The following JADE3 variants were observed in gnomAD, a reference collection of about 807,000 sequenced individuals.
JADE3 encodes the protein jade family PHD finger 3.
Under a neutral mutation model 50.1 loss-of-function variants are expected in JADE3, and 2 were observed. That is an observed-to-expected ratio of 0.04 (90% CI 0.02 to 0.13). JADE3 has a LOEUF of 0.13. Among genes scored for constraint, JADE3 ranks in the 10% least tolerant of loss-of-function variants. JADE3 has a pLI of 1.00. For synonymous variants in JADE3, 218 were observed against 232.9 expected, an observed-to-expected ratio of 0.94 and a Z score of 0.58; for missense variants, 475 against 634.4, an observed-to-expected ratio of 0.75 and a Z score of 2.70.
intron 1 of JADE3, among the ~76,000 whole-genome samples, chrX:46,922,086 C>T (rs1926234652): frequency 9.2e-6 from 1 of 108,204 alleles, no homozygotes; most frequent in African/African-American, 3.4e-5. Context: ...CATCCCCCAA[C>T]AGACTCCAGT....
At chrX:46,948,436 G>A (rs1309363966) in intron 1 of JADE3, among the ~76,000 whole-genome samples, 3 of 112,076 alleles carry the variant, frequency 2.7e-5, no homozygotes, top group African/African-American at 9.7e-5. Flanking sequence ...AAGGATGCCT[G>A]TATTCTCCCT....
chrX:46,989,601 A>T (rs1280705813), intron 3 of JADE3, among the ~76,000 whole-genome samples: 1 of 111,776 alleles, frequency 8.9e-6, no homozygotes, highest in East Asian at 2.8e-4. Flanking sequence ...CTAGGTAGTC[A>T]TTTCTTTCCC....
chrX:46,918,380 G>A (rs1556337050), intron 1 of JADE3, among the ~76,000 whole-genome samples: 2 of 111,981 alleles, frequency 1.8e-5, no homozygotes, highest in Non-Finnish European at 3.8e-5. Flanking sequence ...TTGCATGTGT[G>A]TGCCATCTGT....
chrX:46,980,200 G>A (rs192401464), intron 1 of JADE3, among the ~76,000 whole-genome samples: 24 of 110,616 alleles, frequency 2.2e-4, no homozygotes, highest in Non-Finnish European at 3.8e-4. Context: ...TTTTTAATTA[G>A]GTCATTTGTT....
intron 5 of JADE3, among the ~76,000 whole-genome samples, chrX:47,027,084 T>C (rs868956239): frequency 2.7e-5 from 3 of 112,183 alleles, no homozygotes; most frequent in Non-Finnish European, 3.8e-5. Flanking sequence ...AGTGGAATAC[T>C]TGGGTACATT....
chrX:46,959,386 G>A (rs1453643296), intron 1 of JADE3, among the ~76,000 whole-genome samples: 2 of 112,252 alleles, frequency 1.8e-5, no homozygotes, highest in Non-Finnish European at 3.8e-5. Flanking sequence ...GAAGGGGAGT[G>A]AGCCCTGATT....
chrX:46,915,918 A>G (rs939749452), intron 1 of JADE3, among the ~76,000 whole-genome samples: 17 of 112,015 alleles, frequency 1.5e-4, no homozygotes, highest in East Asian at 8.4e-4. Flanking sequence ...GAGTTCATCA[A>G]TGCTTTTCAA....
chrX:46,994,583 A>G (rs895921048), intron 3 of JADE3, among the ~76,000 whole-genome samples: 2 of 111,925 alleles, frequency 1.8e-5, no homozygotes, highest in African/African-American at 6.5e-5. Flanking sequence ...TGAAGTTTCT[A>G]CATTACCTTG....
chrX:46,931,366 A>G (rs906572028), intron 1 of JADE3, among the ~76,000 whole-genome samples: 4 of 112,203 alleles, frequency 3.6e-5, no homozygotes, highest in Admixed American at 2.8e-4. Flanking sequence ...ACAATAGTAT[A>G]CATTTGTCAA....
intron 4 of JADE3, among the ~76,000 whole-genome samples, chrX:47,008,746 C>T (rs150166304): frequency 9.0e-6 from 1 of 110,921 alleles, no homozygotes; most frequent in Non-Finnish European, 1.9e-5. Context: ...TGACAGAAAG[C>T]AGATCATTGG....
chrX:46,932,591 G>A (rs782451190), intron 1 of JADE3, among the ~76,000 whole-genome samples: 2 of 111,559 alleles, frequency 1.8e-5, no homozygotes, highest in South Asian at 3.8e-4. Flanking sequence ...ATTATATTTC[G>A]ATACCCAAAC....
chrX:47,024,907 A>G lies in JADE3; in HGVS notation c.468A>G (p.Ala156=). Residue 156 remains alanine, a synonymous_variant, in exon 5 of 11, where the codon GCA becomes GCG. Transcript: ENST00000614628. ...TTCAGGAACTCAATGAAGACCTTGC[A>G]GAAATGGGTAAGTTCTTTTCTCACA... ...FWLQELNEDL[A]EMGCGPVDEN... 8.8e-7 allele frequency: 1 copy of G among 1,140,822 alleles called. No individual in the cohort carries two copies. The highest frequency in any genetic ancestry group is 1.2e-6 in the Non-Finnish European group (1 of 836,907). 94.0% of individuals were successfully genotyped at this position (1,140,822 alleles called of 1,213,427 possible).
chrX:46,921,372 C>G lies in JADE3; in HGVS notation c.-12+8653C>G, dbSNP rs145250181. Among the ~76,000 whole-genome samples the G allele has an allele frequency of 3.0e-3, 340 of 112,820 alleles. 3 individuals are homozygous for G. Among genetic ancestry groups the G allele is most frequent in the Middle Eastern group, 0.014 (3 of 219 alleles). ...GGAATTACAGGCGTCAGCCACTGCA[C>G]CTGGCCTGGCTTTTTTCTTCTTTTT... On this transcript the variant is annotated intron_variant, in intron 1 of 10. Coordinates refer to ENST00000614628, the MANE Select transcript of JADE3 (RefSeq NM_014735.5).
Position 47,058,228 on chromosome X carries a change from G to A in JADE3, c.1623G>A (p.Leu541=). 1.7e-6 allele frequency: 2 copies of A among 1,210,089 alleles called. No homozygotes were observed. The highest frequency in any genetic ancestry group is 3.5e-5 in the South Asian group (2 of 56,821). Reference sequence around the variant, plus strand: ...TTTACCCACCACCAAGAATTACCTTGAAGTTAAAAATGCCCAAATCAACCC... The same window carrying A: ...TTTACCCACCACCAAGAATTACCTTAAAGTTAAAAATGCCCAAATCAACCC... ...SLFYPPPRIT[L]KLKMPKSTPE... The change falls in exon 11 of 11, where the codon TTG becomes TTA. Residue 541 remains leucine (L), a synonymous_variant. Transcript: ENST00000614628.
intron 1 of JADE3, among the ~76,000 whole-genome samples, chrX:46,950,663 A>G (rs1926982907): frequency 9.0e-6 from 1 of 111,713 alleles, no homozygotes; most frequent in Non-Finnish European, 1.9e-5. Flanking sequence ...TTAGGAGTAG[A>G]ATTGCTGGGC....
At chrX:46,990,594 CATT>C (rs1379864788) in intron 3 of JADE3, among the ~76,000 whole-genome samples, 7 of 111,549 alleles carry the variant, frequency 6.3e-5, no homozygotes, top group African/African-American at 2.3e-4. Context: ...AGAGGTGCCT[CATT>C]ATTGCTGGGA....
In JADE3 at chrX:47,027,989, A is replaced by C; in HGVS notation, c.573A>C (p.Glu191Asp). 8.3e-7 allele frequency: 1 copy of C among 1,207,099 alleles called. No homozygotes were observed. The highest frequency in any genetic ancestry group is 1.1e-6 in the Non-Finnish European group (1 of 891,387). Reference protein sequence around the residue: ...ENMNHAIETEEGLGIEYDEDV... With the variant: ...ENMNHAIETEDGLGIEYDEDV... ...TGAACCATGCTATTGAGACAGAGGA[A>C]GGGCTAGGCATAGAGTATGATGAAG... is the stretch of plus-strand genomic sequence containing the variant. The change falls in exon 6 of 11, where the codon GAA becomes GAC. Residue 191 changes from glutamate to aspartate, a missense_variant. Transcript: ENST00000614628.
chrX:46,966,381 T>C (rs1927369295), intron 1 of JADE3, among the ~76,000 whole-genome samples: 1 of 111,805 alleles, frequency 8.9e-6, no homozygotes, highest in African/African-American at 3.3e-5. Flanking sequence ...TTCCTGTCTC[T>C]TTCGCCTTTC....
chrX:47,005,235 C>G (rs1217406400), intron 4 of JADE3, among the ~76,000 whole-genome samples: 1 of 110,942 alleles, frequency 9.0e-6, no homozygotes, highest in Non-Finnish European at 1.9e-5. Flanking sequence ...GACAGGAAAC[C>G]TTTTTTTTAT....
Sources: gnomAD v4.1 joint callset for allele counts (sites outside exome capture counted in the v4.1 genomes callset) on GRCh38, gnomAD v4.1.1 for gene constraint, MANE v1.5 for transcripts, NCBI Gene and HGNC (gene_info 2026-07-23, HGNC 2026-07-21) for gene names.